CDH4: variants seen among roughly 807,000 people sequenced by gnomAD.
CDH4 encodes the protein cadherin-4.
In CDH4, 33 loss-of-function variants were observed where a neutral mutation model predicts 86.0. That is an observed-to-expected ratio of 0.38 (90% CI 0.29 to 0.51). The LOEUF (loss-of-function observed/expected upper bound fraction) is 0.51. Ranked by LOEUF, CDH4 falls within the 20% of genes least tolerant of loss-of-function variation. CDH4 has a pLI of 0.86. For missense variants in CDH4, 1,114 were observed against 1,307.4 expected, an observed-to-expected ratio of 0.85 and a Z score of 2.28; for synonymous variants, 555 against 549.4, an observed-to-expected ratio of 1.01 and a Z score of -0.14.
chr20:61,581,020 G>C (rs936294486), intron 2 of CDH4, among the ~76,000 whole-genome samples: 2 of 152,188 alleles, frequency 1.3e-5, no homozygotes, highest in African/African-American at 4.8e-5. Flanking sequence ...CCAAATTAAT[G>C]GACAAGGGCA....
chr20:61,264,200 C>A (rs990783166), intron 2 of CDH4, among the ~76,000 whole-genome samples: 1 of 151,876 alleles, frequency 6.6e-6, no homozygotes, highest in Non-Finnish European at 1.5e-5. Context: ...CCACTGGCTT[C>A]CGCACACTAA....
Position 61,924,490 on chromosome 20 carries a change from C to T in CDH4, c.1771+14C>T. The T allele has an allele frequency of 6.2e-7, 1 of 1,609,080 alleles. No individual in the cohort carries two copies. Among genetic ancestry groups the T allele is most frequent in the Non-Finnish European group, 8.5e-7 (1 of 1,177,520 alleles). On this transcript the variant is annotated intron_variant, in intron 11 of 15. Coordinates refer to ENST00000614565, the MANE Select transcript of CDH4 (RefSeq NM_001794.5). The stretch of plus-strand genomic sequence containing the variant: ...CAGCTGACAATGGTGCGGCCCACCC[C>T]AGGGAGGCAGCCGTCTCGGTGGCCT...
intron 2 of CDH4, among the ~76,000 whole-genome samples, chr20:61,737,970 A>G (rs1212065292): frequency 6.6e-6 from 1 of 152,222 alleles, no homozygotes; most frequent in Non-Finnish European, 1.5e-5. Flanking sequence ...GGGCACATGC[A>G]TACCTGCCCC....
chr20:61,665,626 G>A lies in CDH4; in HGVS notation c.170-77937G>A, dbSNP rs568326568. Among the ~76,000 whole-genome samples, 18 of 152,310 alleles carry A rather than the reference G, an allele frequency of 1.2e-4. 1 individual carries two copies. The highest frequency in any genetic ancestry group is 1.0e-3 in the South Asian group (5 of 4,820). On this transcript the variant is annotated intron_variant, in intron 2 of 15. Coordinates refer to ENST00000614565, the MANE Select transcript of CDH4 (RefSeq NM_001794.5). ...GGGGCCTGGAGCATCCACCAGCAGCGCTTTGTGATGATGGATGCGAACGAG... is the reference window on the plus strand; with the variant it reads ...GGGGCCTGGAGCATCCACCAGCAGCACTTTGTGATGATGGATGCGAACGAG...
At position 61,902,828 on chromosome 20, in the gene CDH4, C is replaced by T. The variant is rs183593502; in HGVS notation, c.1189-7594C>T. 1.6e-4 allele frequency among the ~76,000 whole-genome samples: 25 copies of T among 152,266 alleles called. No homozygotes were observed. The highest frequency in any genetic ancestry group is 5.5e-4 in the African/African-American group (23 of 41,566). ...ACGTCTAAGTATGAGGTCAGCGCCT[C>T]GTCACCACCTGTCTCAGAGAGCTGA... On this transcript the variant is annotated intron_variant, in intron 8 of 15. Transcript: ENST00000614565. The surrounding 1 kb of genome is among the most constrained non-coding windows in gnomAD (Gnocchi z 4.6).
At chr20:61,733,669 CAGAGAAAG>C (rs2088224034) in intron 2 of CDH4, among the ~76,000 whole-genome samples, 1 of 149,102 alleles carries the variant, frequency 6.7e-6, no homozygotes, top group Non-Finnish European at 1.5e-5. Context: ...AGGAAGGACA[CAGAGAAAG>C]AGAGAAAGAA....
At chr20:61,701,750 C>A (rs2087779097) in intron 2 of CDH4, among the ~76,000 whole-genome samples, 1 of 152,238 alleles carries the variant, frequency 6.6e-6, no homozygotes, top group African/African-American at 2.4e-5. Flanking sequence ...GCGGGGATCT[C>A]CCCTTCTCAG....
intron 2 of CDH4, among the ~76,000 whole-genome samples, chr20:61,632,160 T>A (rs2086895213): frequency 6.6e-6 from 1 of 152,204 alleles, no homozygotes; most frequent in African/African-American, 2.4e-5. Flanking sequence ...TCTCCACCAG[T>A]GCAACCTTCA....
intron 4 of CDH4, among the ~76,000 whole-genome samples, chr20:61,780,614 G>A (rs912072094): frequency 6.6e-6 from 1 of 152,218 alleles, no homozygotes; most frequent in African/African-American, 2.4e-5. Flanking sequence ...AAATTGGAAG[G>A]TCTTTTAGTA....
chr20:61,331,671 C>CCTGCCCCGGCCAACTGCCCCAGGTCT (rs1336958033), intron 2 of CDH4, among the ~76,000 whole-genome samples: 1 of 145,266 alleles, frequency 6.9e-6, no homozygotes, highest in Non-Finnish European at 1.5e-5. Flanking sequence ...GCCCCAGGCT[C>CCTGCCCCGGCCAACTGCCCCAGGTCT]ACCTCCTGCC....
intron 4 of CDH4, among the ~76,000 whole-genome samples, chr20:61,780,429 G>A (rs563916856): frequency 1.3e-5 from 2 of 152,236 alleles, no homozygotes; most frequent in Non-Finnish European, 2.9e-5. Context: ...CTGTTTCGTC[G>A]GTAATTATTG....
chr20:61,586,014 T>C, intron 2 of CDH4, among the ~76,000 whole-genome samples: 1 of 139,400 alleles, frequency 7.2e-6, no homozygotes, highest in Non-Finnish European at 1.5e-5. Flanking sequence ...TGATGGTGAT[T>C]GTGATGGTGA....
At chr20:61,927,342 A>G (rs765812356) in intron 11 of CDH4, among the ~76,000 whole-genome samples, 3 of 141,658 alleles carry the variant, frequency 2.1e-5, no homozygotes, top group Non-Finnish European at 4.7e-5. Context: ...AGGACTGAGC[A>G]TGTGAAGACC....
At position 61,934,213 on chromosome 20, in the gene CDH4, T is replaced by C; in HGVS notation, c.2537T>C (p.Ile846Thr). 1 of 1,560,384 alleles carries C rather than the reference T, an allele frequency of 6.4e-7. No individual in the cohort carries two copies. The highest frequency in any genetic ancestry group is 8.7e-7 in the Non-Finnish European group (1 of 1,148,642). ...VPHPGDIGDF[I>T]NEGLRAADND... ...CACCCAGGCGACATCGGTGACTTCA[T>C]CAATGAGGTGTGTGCCTCTCGGCAG... The change falls in exon 15 of 16, where the codon ATC (isoleucine) becomes ACC (threonine). Residue 846 changes from isoleucine (I) to threonine (T), a missense_variant. By Grantham distance (89) the Ile-to-Thr change is moderately conservative. Around this residue, in one of 3 missense-constraint regions of CDH4, gnomAD observed 188 missense variants for 183.8 expected, o/e 1.02. Transcript: ENST00000614565.
chr20:61,397,367 C>T (rs770910733), intron 2 of CDH4, among the ~76,000 whole-genome samples: 1 of 147,524 alleles, frequency 6.8e-6, no homozygotes, highest in Admixed American at 6.8e-5. Flanking sequence ...GGCCAGGTCC[C>T]GAATTCATGT....
In CDH4 at chr20:61,415,372, T is replaced by A. The variant is rs539586099; in HGVS notation, c.169+160435T>A. Among the ~76,000 whole-genome samples the A allele has an allele frequency of 2.6e-5, 4 of 152,354 alleles. No homozygotes were observed. The South Asian group carries it at 8.3e-4, about 32-fold the overall frequency. ...TAAAACTAATTCTTATTGTGGTGAA[T>A]GTATTTACAAAATTTAACCATTTTA... On this transcript the variant is annotated intron_variant, in intron 2 of 15. Coordinates refer to ENST00000614565, the MANE Select transcript of CDH4 (RefSeq NM_001794.5).
At chr20:61,724,588 C>A (rs1427883343) in intron 2 of CDH4, among the ~76,000 whole-genome samples, 1 of 152,208 alleles carries the variant, frequency 6.6e-6, no homozygotes, top group East Asian at 1.9e-4. Flanking sequence ...ATGAGGGTGT[C>A]TCCTGCTGCC....
intron 4 of CDH4, among the ~76,000 whole-genome samples, chr20:61,784,905 A>G (rs1978792484): frequency 6.6e-6 from 1 of 152,122 alleles, no homozygotes; most frequent in Non-Finnish European, 1.5e-5. Context: ...GGGCAAGTGC[A>G]GGCTGGATCC....
chr20:61,616,170 C>T (rs964981163), intron 2 of CDH4, among the ~76,000 whole-genome samples: 3 of 152,226 alleles, frequency 2.0e-5, no homozygotes, highest in African/African-American at 4.8e-5. Flanking sequence ...AACTTCCTCC[C>T]TGACACTGCA....
Sources: gnomAD v4.1 joint callset for allele counts (sites outside exome capture counted in the v4.1 genomes callset) on GRCh38, gnomAD v4.1.1 for gene constraint, gnomAD v4.1.1 regional missense constraint, Gnocchi (gnomAD v3.1) non-coding constraint, MANE v1.5 for transcripts, NCBI Gene and HGNC (gene_info 2026-07-23, HGNC 2026-07-21) for gene names.